Variants in ADGRG4 observed in about 807,000 individuals in gnomAD.
The protein encoded by ADGRG4 is adhesion G protein-coupled receptor G4, also known as G protein-coupled receptor 112.
In ADGRG4, 122 loss-of-function variants were observed where a neutral mutation model predicts 126.2. That is an observed-to-expected ratio of 0.97 (90% CI 0.83 to 1.12). The LOEUF (loss-of-function observed/expected upper bound fraction) is 1.12, where lower values mean the gene tolerates loss of function less well. ADGRG4 is among the 50% of genes most tolerant of loss of function. The pLI is 0.00. For missense variants in ADGRG4, 2,481 were observed against 2,251.8 expected (o/e 1.10, Z -2.06); for synonymous variants, 943 against 838.7 (o/e 1.12, Z -2.15).
At chrX:136,338,945 A>G (rs146319884) in intron 5 of ADGRG4, among the ~76,000 whole-genome samples, 1,848 of 110,629 alleles carry the variant, frequency 0.017, 36 homozygotes, top group African/African-American at 0.057. Flanking sequence ...ATGTTATTTC[A>G]TCTTGCTTGG....
chrX:136,345,126 A>C lies in ADGRG4; in HGVS notation c.1420A>C (p.Ile474Leu), dbSNP rs145542316. 2.4e-4 allele frequency: 294 copies of C among 1,209,814 alleles called. No homozygotes were observed. The highest frequency in any genetic ancestry group is 4.6e-4 in the Middle Eastern group (2 of 4,368). Reference protein sequence around the residue: ...ASSFPPEPVLISTAAPVDSVF... With the variant: ...ASSFPPEPVLLSTAAPVDSVF... ...ATCATTCCCACCTGAGCCTGTGCTC[A>C]TCTCCACAGCTGCTCCAGTAGATTC... is the stretch of plus-strand genomic sequence containing the variant. The change falls in exon 6 of 26, where the codon ATC becomes CTC. Residue 474 changes from isoleucine (I) to leucine (L), a missense_variant. Ile to Leu is a conservative substitution (Grantham distance 5, BLOSUM62 2). Transcript: ENST00000394143.
chrX:136,401,993 T>C (rs2075381800), intron 21 of ADGRG4, among the ~76,000 whole-genome samples: 2 of 112,256 alleles, frequency 1.8e-5, no homozygotes, highest in African/African-American at 6.5e-5. Context: ...AGCCTTTACC[T>C]GTGTGGTCTA....
chrX:136,320,322 A>G (rs1232493002), intron 4 of ADGRG4, among the ~76,000 whole-genome samples: 2 of 112,376 alleles, frequency 1.8e-5, no homozygotes, highest in Non-Finnish European at 3.8e-5. Flanking sequence ...CAAAGGATAC[A>G]CACAATTATA....
In ADGRG4 at chrX:136,399,852, C is replaced by T. The variant is rs1183265347; in HGVS notation, c.8311C>T (p.Leu2771Phe). Residue 2771 changes from leucine to phenylalanine, a missense_variant, in exon 21 of 26, where the codon CTT (leucine) becomes TTT (phenylalanine). Transcript: ENST00000394143. The part of the protein sequence containing the change: ...AVVTYIAFHK[L>F]RKDYPAKILI... ...ACATTGTACTTTCTCTTTTAGCAAACTTCGAAAAGATTATCCTGCCAAAAT... is the reference window on the plus strand; with the variant it reads ...ACATTGTACTTTCTCTTTTAGCAAATTTCGAAAAGATTATCCTGCCAAAAT... The T allele has an allele frequency of 3.3e-6, 4 of 1,194,733 alleles. No individual in the cohort carries two copies. Among genetic ancestry groups the T allele is most frequent in the East Asian group, 3.0e-5 (1 of 33,515 alleles).
chrX:136,336,927 C>G (rs2074951294), intron 5 of ADGRG4, among the ~76,000 whole-genome samples: 1 of 111,220 alleles, frequency 9.0e-6, no homozygotes, highest in Admixed American at 9.5e-5. Flanking sequence ...ATGGAAACCT[C>G]ACTTCCATTT....
At position 136,405,799 on chromosome X, in the gene ADGRG4, A is replaced by G; in HGVS notation, c.8762A>G (p.Asn2921Ser). Residue 2921 changes from asparagine to serine, a missense_variant, in exon 23 of 26, where the codon AAT becomes AGT. Asn to Ser is a conservative substitution (Grantham distance 46, BLOSUM62 1). Transcript: ENST00000394143. ...SMFCTVLVQL[N>S]SVKSQIQKTR... Reference sequence around the variant, plus strand: ...TTCTGCACTGTTCTTGTTCAACTGAATTCTGTGAAATCCCAAATCCAGAAG... The same window carrying G: ...TTCTGCACTGTTCTTGTTCAACTGAGTTCTGTGAAATCCCAAATCCAGAAG... 1.7e-6 allele frequency: 2 copies of G among 1,210,759 alleles called. No individual in the cohort carries two copies. Among genetic ancestry groups the G allele is most frequent in the South Asian group, 3.5e-5 (2 of 56,753 alleles).
chrX:136,333,343 C>T (rs937315951), intron 5 of ADGRG4, among the ~76,000 whole-genome samples: 12 of 110,975 alleles, frequency 1.1e-4, no homozygotes, highest in Non-Finnish European at 7.5e-5. Context: ...AGTATGGTCT[C>T]GATTTCCTGA....
chrX:136,343,494 C>A (rs2074992052), intron 5 of ADGRG4, among the ~76,000 whole-genome samples: 1 of 110,965 alleles, frequency 9.0e-6, no homozygotes, highest in Admixed American at 9.6e-5. Context: ...AACTATACAG[C>A]CAAATGTGAA....
Position 136,348,906 on chromosome X carries a change from G to A in ADGRG4, c.5200G>A (p.Gly1734Arg). 3 of 1,205,002 alleles carry A rather than the reference G, an allele frequency of 2.5e-6. No homozygotes were observed. Among genetic ancestry groups the A allele is most frequent in the Non-Finnish European group, 3.4e-6 (3 of 890,236 alleles). ...RSLSTVNSGTGVALTDTYSRI... is the reference protein window; with the variant it reads ...RSLSTVNSGTRVALTDTYSRI... The stretch of plus-strand genomic sequence containing the variant: ...CCTATCTACTGTGAACAGTGGTACA[G>A]GGGTAGCTCTCACAGATACTTATTC... The change falls in exon 6 of 26, where the codon GGG becomes AGG. Residue 1734 changes from glycine (G) to arginine (R), a missense_variant. Gly to Arg is a moderately radical substitution (Grantham distance 125). Transcript: ENST00000394143.
chrX:136,394,133 C>G (rs779177773), intron 18 of ADGRG4, among the ~76,000 whole-genome samples: 2 of 111,100 alleles, frequency 1.8e-5, no homozygotes, highest in East Asian at 2.8e-4. Context: ...CAATTTACCC[C>G]CTCTGAGCCC....
At chrX:136,339,942 C>T (rs1415719183) in intron 5 of ADGRG4, among the ~76,000 whole-genome samples, 2 of 111,697 alleles carry the variant, frequency 1.8e-5, no homozygotes, top group African/African-American at 6.5e-5. Context: ...AACTACCTTA[C>T]TCACTTACAA....
intron 16 of ADGRG4, among the ~76,000 whole-genome samples, chrX:136,390,829 T>C (rs772595703): frequency 3.6e-5 from 4 of 110,870 alleles, no homozygotes; most frequent in Non-Finnish European, 7.6e-5. Flanking sequence ...GAAAACTGCG[T>C]CACTTAGACT....
chrX:136,323,902 T>G (rs962006635), intron 5 of ADGRG4, among the ~76,000 whole-genome samples: 1 of 112,080 alleles, frequency 8.9e-6, no homozygotes, highest in Admixed American at 9.5e-5. Context: ...TTTAGACTAA[T>G]TTGGAATAGA....
intron 14 of ADGRG4, among the ~76,000 whole-genome samples, chrX:136,372,627 A>C (rs903722557): frequency 8.9e-6 from 1 of 112,127 alleles, no homozygotes; most frequent in South Asian, 3.7e-4. Flanking sequence ...CAATCTTTAG[A>C]GATGAGTGTA....
chrX:136,392,319 G>C lies in ADGRG4; in HGVS notation c.7999G>C (p.Val2667Leu). 1 of 1,183,723 alleles carries C rather than the reference G, an allele frequency of 8.4e-7. No individual in the cohort carries two copies. Among genetic ancestry groups the C allele is most frequent in the Non-Finnish European group, 1.1e-6 (1 of 877,958 alleles). Residue 2667 changes from valine (V) to leucine (L), a missense_variant, in exon 17 of 26, where the codon GTG becomes CTG. By Grantham distance (32) the Val-to-Leu change is conservative (BLOSUM62 1). Coordinates refer to ENST00000394143, the MANE Select transcript of ADGRG4 (RefSeq NM_153834.4). ...GTTCATTCAAAACTTAGCTGACCCA[G>C]TGGTTATCACTCTGCAGCATATTGG... is the stretch of plus-strand genomic sequence containing the variant. ...DMFIQNLADP[V>L]VITLQHIGGN...
chrX:136,407,013 G>T (rs933260869), intron 23 of ADGRG4, among the ~76,000 whole-genome samples: 3 of 111,366 alleles, frequency 2.7e-5, no homozygotes, highest in African/African-American at 6.5e-5. Flanking sequence ...TTGGGGGGAA[G>T]AGGCATGCAA....
At chrX:136,401,954 G>A (rs771388468) in intron 21 of ADGRG4, among the ~76,000 whole-genome samples, 33 of 111,850 alleles carry the variant, frequency 3.0e-4, no homozygotes, top group African/African-American at 1.1e-3. Flanking sequence ...CAAATTTGTG[G>A]AGGCCTGCAC....
chrX:136,337,421 C>A (rs2074954318), intron 5 of ADGRG4, among the ~76,000 whole-genome samples: 1 of 112,194 alleles, frequency 8.9e-6, no homozygotes, highest in Non-Finnish European at 1.9e-5. Context: ...CTTTCTCATT[C>A]TCCAAGATTC....
chrX:136,334,496 A>C (rs2074937471), intron 5 of ADGRG4, among the ~76,000 whole-genome samples: 4 of 112,171 alleles, frequency 3.6e-5, no homozygotes, highest in Admixed American at 1.9e-4. Flanking sequence ...CCTTGATGGA[A>C]TATTGATAGG....
Sources: allele counts gnomAD v4.1 joint callset (sites outside exome capture counted in the v4.1 genomes callset), GRCh38; gene constraint gnomAD v4.1.1; transcripts MANE v1.5; gene names NCBI Gene and HGNC (gene_info 2026-07-23, HGNC 2026-07-21).